Variants in GRIK5 observed in about 807,000 individuals in gnomAD.
GRIK5 encodes glutamate ionotropic receptor kainate type subunit 5.
Under a neutral mutation model 97.4 loss-of-function variants are expected in GRIK5, and 43 were observed. The ratio of observed to expected loss-of-function variants is 0.44; its 90% CI spans 0.35 to 0.57. The LOEUF (loss-of-function observed/expected upper bound fraction) is 0.57. Ranked by LOEUF, GRIK5 falls within the 20% of genes least tolerant of loss-of-function variation. GRIK5 has a pLI of 0.01. For missense variants in GRIK5, 1,015 were observed against 1,382.0 expected (o/e 0.73, Z 4.21); for synonymous variants, 580 against 583.5 (o/e 0.99, Z 0.09).
intron 12 of GRIK5, among the ~76,000 whole-genome samples, chr19:42,038,229 T>C (rs1368752577): frequency 6.6e-6 from 1 of 152,170 alleles, no homozygotes; most frequent in African/African-American, 2.4e-5. Context: ...ATTCACACCA[T>C]GGCAGTGATG....
chr19:42,011,625 A>C (rs747766584), intron 15 of GRIK5, among the ~76,000 whole-genome samples: 18 of 152,120 alleles, frequency 1.2e-4, no homozygotes, highest in Non-Finnish European at 2.2e-4. Context: ...CACTAAGAAA[A>C]ATAAAACAAA....
At position 42,006,266 on chromosome 19, in the gene GRIK5, C is replaced by G. The variant is rs1407254156; in HGVS notation, c.2038-318G>C. 2.6e-5 allele frequency among the ~76,000 whole-genome samples: 4 copies of G among 152,162 alleles called. No homozygotes were observed. The highest frequency in any genetic ancestry group is 4.4e-5 in the Non-Finnish European group (3 of 68,024). On this transcript the variant is annotated intron_variant, in intron 16 of 19. Coordinates refer to ENST00000593562, the MANE Select transcript of GRIK5 (RefSeq NM_002088.5). The surrounding 1 kb of genome is among the most constrained non-coding windows in gnomAD (Gnocchi z 5.3). ...CTTTAGACCACTAGGACCTCCCTGC[C>G]AAGCTTGCTTTCCTCTTCTTTCCTT...
Position 42,065,244 on chromosome 19 carries a change from G to A in GRIK5, c.223C>T (p.Gln75Ter). ...TCACTGGTGTCCGTGGTCTCGTACT[G>A]GCTGTCCCGCTGCAGCTCAAAGATG... Reference protein sequence around the residue: ...VDIFELQRDSQYETTDTMCQI... With the variant: ...VDIFELQRDS Residue 75 changes from glutamine to a stop codon, truncating the protein, a stop_gained, in exon 3 of 20, where the codon CAG becomes TAG. Transcript: ENST00000593562. LOFTEE classifies it high-confidence loss of function. This position sits in a 1 kb window ranked among gnomAD's most constrained non-coding sequence, Gnocchi z 5.8. 6.2e-7 allele frequency: 1 copy of A among 1,612,698 alleles called. No homozygotes were observed. The highest frequency in any genetic ancestry group is 8.5e-7 in the Non-Finnish European group (1 of 1,179,472).
intron 15 of GRIK5, among the ~76,000 whole-genome samples, chr19:42,017,901 C>T (rs760392384): frequency 2.0e-5 from 3 of 151,878 alleles, no homozygotes; most frequent in East Asian, 1.9e-4. Flanking sequence ...TGGAGATGGA[C>T]GAGTGAAAGC....
rs1025606018 is a variant in GRIK5 at position 42,052,520 on chromosome 19, G to T, written c.1269+1082C>A. On this transcript the variant is annotated intron_variant, in intron 11 of 19. Coordinates refer to ENST00000593562, the MANE Select transcript of GRIK5 (RefSeq NM_002088.5). The stretch of plus-strand genomic sequence containing the variant: ...GATCAGGAGTTCCCTAGGGACTGAG[G>T]GAACTGCTCTGCGACTCACTGCTTT... Among the ~76,000 whole-genome samples, 10 of 152,314 alleles carry T rather than the reference G, an allele frequency of 6.6e-5. No individual in the cohort carries two copies. In the East Asian group the frequency reaches 1.9e-3, roughly 29 times the overall value.
chr19:42,060,859 A>G (rs900110859), intron 5 of GRIK5, among the ~76,000 whole-genome samples: 3 of 151,846 alleles, frequency 2.0e-5, no homozygotes, highest in Non-Finnish European at 4.4e-5. Flanking sequence ...CGCCCATACC[A>G]TTCTTCATAA....
In GRIK5 at chr19:42,056,677, G is replaced by A; in HGVS notation, c.888C>T (p.Thr296=). ...GTGTGCTCACCGCAGGGCCCAGGTA[G>A]GTGCTGGCTTCACAGTTCTCCCTCC... is the stretch of plus-strand genomic sequence containing the variant. ...MSWRENCEAS[T]YLGPALSAAL... Residue 296 remains threonine, a synonymous_variant, in exon 8 of 20, where the codon ACC becomes ACT. Transcript: ENST00000593562. 1 of 1,614,082 alleles carries A rather than the reference G, an allele frequency of 6.2e-7. No homozygotes were observed.
rs1301863094 is a variant in GRIK5, at chr19:42,056,743, G to A, written c.822C>T (p.His274=). ...TGCGGACAAACTCAGGGTAGAAGGGGTGGGACGTGTTGAACATGGAGAAGC... is the reference window on the plus strand; with the variant it reads ...TGCGGACAAACTCAGGGTAGAAGGGATGGGACGTGTTGAACATGGAGAAGC... ...ILGFSMFNTS[H]PFYPEFVRSL... Residue 274 remains histidine, a synonymous_variant, in exon 8 of 20, where the codon CAC becomes CAT. Transcript: ENST00000593562. 4 of 1,613,954 alleles carry A rather than the reference G, an allele frequency of 2.5e-6. No individual in the cohort carries two copies. Among genetic ancestry groups the A allele is most frequent in the Non-Finnish European group, 3.4e-6 (4 of 1,179,822 alleles).
At position 42,065,765 on chromosome 19, in the gene GRIK5, C is replaced by T. The variant is rs780774479; in HGVS notation, c.6G>A (p.Pro2=). 1.5e-5 allele frequency: 24 copies of T among 1,581,790 alleles called. No homozygotes were observed. Among genetic ancestry groups the T allele is most frequent in the East Asian group, 4.7e-5 (2 of 42,916 alleles). M[P]AELLLLLIVA... is the part of the protein sequence containing the mutation. ...CAATCAGCAGCAGCAGCAGCTCAGCCGGCATCTTCCTCCCCTCCTCATGGG... is the reference window on the plus strand; with the variant it reads ...CAATCAGCAGCAGCAGCAGCTCAGCTGGCATCTTCCTCCCCTCCTCATGGG... Residue 2 remains proline (P), a synonymous_variant, in exon 2 of 20, where the codon CCG becomes CCA. Transcript: ENST00000593562. The surrounding 1 kb of genome is among the most constrained non-coding windows in gnomAD (Gnocchi z 5.8).
intron 17 of GRIK5, among the ~76,000 whole-genome samples, chr19:42,005,449 G>A (rs1212446468): frequency 6.6e-6 from 1 of 152,170 alleles, no homozygotes; most frequent in African/African-American, 2.4e-5. Flanking sequence ...AAGACAGCAA[G>A]CCCCACCACC....
In GRIK5 at chr19:42,054,362, G is replaced by A. The variant is rs1391980941; in HGVS notation, c.1014C>T (p.Asn338=). 1.2e-6 allele frequency: 2 copies of A among 1,613,296 alleles called. No homozygotes were observed. Among genetic ancestry groups the A allele is most frequent in the African/African-American group, 1.3e-5 (1 of 74,912 alleles). Residue 338 remains asparagine (N), a synonymous_variant, in exon 9 of 20, where the codon AAC becomes AAT. Coordinates refer to ENST00000593562, the MANE Select transcript of GRIK5 (RefSeq NM_002088.5). ...TGAGGCTGGTCCCGTGGGGCCAAAT[G>A]TTGGCCGATGTACAGGCCAGAGGCT... ...GVKPLACTSA[N]IWPHGTSLMN...
intron 15 of GRIK5, among the ~76,000 whole-genome samples, chr19:42,019,817 G>C (rs1254368565): frequency 6.6e-6 from 1 of 152,210 alleles, no homozygotes; most frequent in Non-Finnish European, 1.5e-5. Flanking sequence ...GGAGCCTCCA[G>C]AAGGAACTAG....
intron 12 of GRIK5, among the ~76,000 whole-genome samples, chr19:42,034,368 T>C (rs575411682): frequency 4.7e-4 from 71 of 152,224 alleles, no homozygotes; most frequent in African/African-American, 1.6e-3. Flanking sequence ...AGCAAGACCC[T>C]GTTTCAAAAA....
At chr19:42,035,004 G>A (rs944347259) in intron 12 of GRIK5, among the ~76,000 whole-genome samples, 36 of 152,090 alleles carry the variant, frequency 2.4e-4, no homozygotes, top group Non-Finnish European at 4.6e-4. Context: ...TTTTGTTTTC[G>A]TTTCGCTCTT....
intron 12 of GRIK5, among the ~76,000 whole-genome samples, chr19:42,035,524 G>A (rs936305005): frequency 6.6e-6 from 1 of 151,878 alleles, no homozygotes; most frequent in Non-Finnish European, 1.5e-5. Flanking sequence ...TGGCCTACAT[G>A]GTGAAATCCC....
chr19:42,031,342 G>A (rs2075838174), intron 12 of GRIK5, among the ~76,000 whole-genome samples: 1 of 152,220 alleles, frequency 6.6e-6, no homozygotes, highest in South Asian at 2.1e-4. Context: ...TTACTATTCT[G>A]GGAAAGACAG....
intron 8 of GRIK5, among the ~76,000 whole-genome samples, chr19:42,056,317 A>T (rs902038516): frequency 1.3e-5 from 2 of 152,162 alleles, no homozygotes; most frequent in Non-Finnish European, 2.9e-5. Flanking sequence ...AGGAGGAAGG[A>T]AAAATCTTAT....
intron 1 of GRIK5, chr19:42,068,787 A>G: frequency 1.7e-6 from 1 of 578,262 alleles, no homozygotes; most frequent in Admixed American, 2.9e-5. Context: ...AGACACAGGA[A>G]ATGGGGGCTC....
intron 12 of GRIK5, among the ~76,000 whole-genome samples, chr19:42,024,754 G>A (rs147494316): frequency 1.3e-4 from 20 of 152,130 alleles, no homozygotes; most frequent in Admixed American, 8.5e-4. Flanking sequence ...CCTCTCTCTC[G>A]TGCCAGCTTC....
Sources: gnomAD v4.1 joint callset for allele counts (sites outside exome capture counted in the v4.1 genomes callset) on GRCh38, gnomAD v4.1.1 for gene constraint, Gnocchi (gnomAD v3.1) non-coding constraint, MANE v1.5 for transcripts, NCBI Gene and HGNC (gene_info 2026-07-23, HGNC 2026-07-21) for gene names.